Variants in LYRM1 observed in about 807,000 individuals in gnomAD.
LYRM1 encodes LYR motif-containing protein 1.
In LYRM1, 14 loss-of-function variants were observed where a neutral mutation model predicts 14.9. That is an observed-to-expected ratio of 0.94 (90% CI 0.62 to 1.47). LYRM1 has a LOEUF of 1.47. Among genes scored for constraint, LYRM1 ranks in the 40% most tolerant of loss-of-function variants. The probability of loss-of-function intolerance (pLI) is 0.00; values close to 1 mark genes in which losing one functional copy is unlikely to be tolerated. For synonymous variants in LYRM1, 43 were observed against 56.2 expected, an observed-to-expected ratio of 0.77 and a Z score of 1.05; for missense variants, 153 against 149.9, an observed-to-expected ratio of 1.02 and a Z score of -0.11.
chr16:20,914,998 C>T (rs1421012813), intron 1 of LYRM1, among the ~76,000 whole-genome samples: 2 of 152,136 alleles, frequency 1.3e-5, no homozygotes, highest in Non-Finnish European at 2.9e-5. Context: ...TTTGGTTTTG[C>T]CGTGTTCATA....
chr16:20,908,878 C>T (rs1039723965), intron 1 of LYRM1, among the ~76,000 whole-genome samples: 8 of 152,212 alleles, frequency 5.3e-5, no homozygotes, highest in Admixed American at 4.6e-4. Context: ...CATGGCAAGG[C>T]ACCTTAGAGC....
chr16:20,923,929 T>A, intron 3 of LYRM1, 71 bp from the exon 4 acceptor site: 1 of 819,012 alleles, frequency 1.2e-6, no homozygotes, highest in Non-Finnish European at 2.0e-6. Flanking sequence ...ACTTTCTGAG[T>A]AGATCCTCAG....
intron 1 of LYRM1, among the ~76,000 whole-genome samples, chr16:20,909,388 T>G (rs2082474230): frequency 6.6e-6 from 1 of 152,244 alleles, no homozygotes; most frequent in South Asian, 2.1e-4. Flanking sequence ...TTGGAAGAAA[T>G]GTCGGTCTCA....
At chr16:20,916,089 T>G (rs1555500867) in intron 2 of LYRM1, among the ~76,000 whole-genome samples, 1 of 152,002 alleles carries the variant, frequency 6.6e-6, no homozygotes, top group Non-Finnish European at 1.5e-5. Context: ...GTTGTTTTTT[T>G]TTTCAATTCA....
chr16:20,915,271 G>A (rs1242539154), intron 1 of LYRM1, among the ~76,000 whole-genome samples: 2 of 151,968 alleles, frequency 1.3e-5, no homozygotes, highest in Non-Finnish European at 2.9e-5. Context: ...AGGAGATCGA[G>A]ACCACGGTGA....
chr16:20,918,162 T>C (rs1475492974), intron 2 of LYRM1, among the ~76,000 whole-genome samples: 1 of 152,154 alleles, frequency 6.6e-6, no homozygotes, highest in Non-Finnish European at 1.5e-5. Flanking sequence ...AGTAATAACT[T>C]TGATAGTTGA....
intron 1 of LYRM1, among the ~76,000 whole-genome samples, chr16:20,907,672 C>T (rs1330268463): frequency 6.6e-6 from 1 of 152,082 alleles, no homozygotes; most frequent in Non-Finnish European, 1.5e-5. Flanking sequence ...TCATGTTCAT[C>T]TTTGAAGTCG....
At chr16:20,915,761 A>G in intron 2 of LYRM1, 47 bp downstream of exon 2, 1 of 1,586,252 alleles carries the variant, frequency 6.3e-7, no homozygotes, top group African/African-American at 1.4e-5. Context: ...GTTGTTCCTT[A>G]TGATATTTGT....
chr16:20,900,515 G>C (rs1276434277), upstream of LYRM1: 5 of 152,426 alleles, frequency 3.3e-5, no homozygotes, highest in South Asian at 2.1e-4. Flanking sequence ...CGCACATAAA[G>C]ACGTACGAAG....
At position 20,924,619 on chromosome 16, in the gene LYRM1, TTA is replaced by T. The variant is rs538360432; in HGVS notation, c.*504_*505del. 2.0e-5 allele frequency: 3 copies of T among 152,492 alleles called. No homozygotes were observed. The highest frequency in any genetic ancestry group is 4.4e-5 in the Non-Finnish European group (3 of 68,274). 9.4% of individuals were successfully genotyped at this position (152,492 alleles called of 1,614,324 possible). On this transcript the variant is annotated 3_prime_UTR_variant, in exon 4 of 4. Transcript: ENST00000567954. ...CTTCCAGTTTCCAGACAAACTTGTC[TTA>T]AAAAGTGCATCATTGGATTGACCAT...
At chr16:20,908,244 G>T (rs552486476) in intron 1 of LYRM1, among the ~76,000 whole-genome samples, 2 of 152,232 alleles carry the variant, frequency 1.3e-5, no homozygotes, top group Non-Finnish European at 2.9e-5. Flanking sequence ...AGGAGCAGGG[G>T]CAGGTGGCAA....
At chr16:20,914,381 G>T (rs1056716453) in intron 1 of LYRM1, among the ~76,000 whole-genome samples, 2 of 150,130 alleles carry the variant, frequency 1.3e-5, no homozygotes, top group Non-Finnish European at 3.0e-5. Flanking sequence ...CTCTGCCTCT[G>T]GGGTTCAAGC....
intron 1 of LYRM1, among the ~76,000 whole-genome samples, chr16:20,907,760 T>C (rs894376312): frequency 2.6e-5 from 4 of 152,254 alleles, no homozygotes; most frequent in African/African-American, 9.6e-5. Context: ...CGTTATTAGG[T>C]TCCATCACAC....
At chr16:20,910,795 C>A (rs181253982) in intron 1 of LYRM1, among the ~76,000 whole-genome samples, 1,787 of 151,990 alleles carry the variant, frequency 0.012, 39 homozygotes, top group African/African-American at 0.04. Flanking sequence ...ACAACAACAA[C>A]AAAAAACCTT....
chr16:20,900,616 G>C (rs1464382470), upstream of LYRM1: 3 of 152,356 alleles, frequency 2.0e-5, no homozygotes, highest in Non-Finnish European at 4.4e-5. Context: ...GGAGCGGGGA[G>C]GATAATGAAA....
At chr16:20,916,155 A>G (rs1344170376) in intron 2 of LYRM1, among the ~76,000 whole-genome samples, 1 of 152,194 alleles carries the variant, frequency 6.6e-6, no homozygotes, top group African/African-American at 2.4e-5. Flanking sequence ...GAATAGGATT[A>G]AGACACAGGG....
At chr16:20,900,574 T>G (rs1444685107), upstream of LYRM1, 1 of 152,216 alleles carries the variant, frequency 6.6e-6, no homozygotes, top group East Asian at 1.9e-4. Flanking sequence ...GGAGCTGGGC[T>G]GGACCATTTT....
intron 1 of LYRM1, among the ~76,000 whole-genome samples, chr16:20,909,932 G>A (rs1437187058): frequency 6.6e-6 from 1 of 152,156 alleles, no homozygotes; most frequent in African/African-American, 2.4e-5. Context: ...TTTACTGGGG[G>A]AAGACTTTAA....
intron 1 of LYRM1, among the ~76,000 whole-genome samples, chr16:20,905,336 T>C (rs2082268944): frequency 6.6e-6 from 1 of 152,212 alleles, no homozygotes; most frequent in Non-Finnish European, 1.5e-5. Flanking sequence ...AGGCAGTTAA[T>C]AATTTGCCCA....
Sources: gnomAD v4.1 joint callset for allele counts (sites outside exome capture counted in the v4.1 genomes callset) on GRCh38, gnomAD v4.1.1 for gene constraint, MANE v1.5 for transcripts, NCBI Gene and HGNC (gene_info 2026-07-23, HGNC 2026-07-21) for gene names.